Variants in FRY observed in about 807,000 individuals in gnomAD.
FRY encodes FRY microtubule binding protein, also known as protein furry homolog.
Under a neutral mutation model 348.4 loss-of-function variants are expected in FRY, and 128 were observed. The ratio of observed to expected loss-of-function variants is 0.37; its 90% confidence interval spans 0.32 to 0.43. The LOEUF (loss-of-function observed/expected upper bound fraction) is 0.43, where lower values mean the gene tolerates loss of function less well. FRY is among the 20% of genes least tolerant of loss of function. FRY has a pLI of 1.00. For synonymous variants in FRY, 1,370 were observed against 1,374.7 expected, an observed-to-expected ratio of 1.00 and a Z score of 0.08; for missense variants, 2,736 against 3,695.2, an observed-to-expected ratio of 0.74 and a Z score of 6.73.
chr13:32,123,770 G>A (rs1158293458), intron 4 of FRY, among the ~76,000 whole-genome samples: 2 of 152,160 alleles, frequency 1.3e-5, no homozygotes, highest in African/African-American at 2.4e-5. Context: ...CAAATATTCC[G>A]ACTTCAAATC....
intron 31 of FRY, among the ~76,000 whole-genome samples, chr13:32,206,282 G>A (rs1403389806): frequency 6.6e-6 from 1 of 152,118 alleles, no homozygotes; most frequent in South Asian, 2.1e-4. Context: ...AGGAATGGAG[G>A]GAGAACACTC....
intron 42 of FRY, among the ~76,000 whole-genome samples, chr13:32,235,405 C>G (rs1000581969): frequency 2.6e-5 from 4 of 152,222 alleles, no homozygotes. Flanking sequence ...GGGCAGATCA[C>G]TTGAGGCCAG....
Position 32,225,994 on chromosome 13 carries a change from A to G in FRY, c.5206+20A>G, listed in dbSNP as rs1233930764. On this transcript the variant is annotated intron_variant, in intron 39 of 60. Transcript: ENST00000542859. ...ATACAGGTAACAGAGAAGGACTGGT[A>G]GAGAGCCTAGGACAGTTACAAATGC... is the stretch of plus-strand genomic sequence containing the variant. 1.2e-6 allele frequency: 2 copies of G among 1,609,282 alleles called. No individual in the cohort carries two copies. The highest frequency in any genetic ancestry group is 3.3e-5 in the Admixed American group (2 of 59,982).
intron 4 of FRY, among the ~76,000 whole-genome samples, chr13:32,122,786 C>A (rs1878754654): frequency 6.6e-6 from 1 of 152,146 alleles, no homozygotes. Flanking sequence ...CCCTTGAAAA[C>A]CCTAAGGACT....
chr13:32,284,959 A>G (rs1198711597), intron 58 of FRY, among the ~76,000 whole-genome samples: 1 of 152,210 alleles, frequency 6.6e-6, no homozygotes, highest in Non-Finnish European at 1.5e-5. Flanking sequence ...CTGGGCTTTT[A>G]AAAGCTATGC....
intron 36 of FRY, among the ~76,000 whole-genome samples, chr13:32,223,797 C>G (rs1040917176): frequency 2.0e-5 from 3 of 152,050 alleles, no homozygotes; most frequent in Non-Finnish European, 4.4e-5. Context: ...GGCATGATCT[C>G]GGTCCACTGC....
In FRY at chr13:32,155,276, GA is replaced by G. The variant is rs1216008000; in HGVS notation, c.1480-212del. 2.0e-5 allele frequency among the ~76,000 whole-genome samples: 3 copies of G among 152,200 alleles called. No individual in the cohort carries two copies. The East Asian group carries it at 5.8e-4, about 29-fold the overall frequency. ...CTCAAACATGCCCTCCACAGTCGGT[GA>G]AATCTCCCCTGTTGTTTTCTTATAA... On this transcript the variant is annotated intron_variant, in intron 14 of 60. Transcript: ENST00000542859.
In FRY at chr13:32,209,665, G is replaced by A. The variant is rs749126649; in HGVS notation, c.4356G>A (p.Leu1452=). The change falls in exon 33 of 61, where the codon CTG becomes CTA. Residue 1452 remains leucine, a synonymous_variant. Coordinates refer to ENST00000542859, the MANE Select transcript of FRY (RefSeq NM_023037.3). ...LANNEKWSNN[L]RITLQFLISL... is the part of the protein sequence containing the mutation. Reference sequence around the variant, plus strand: ...ACAATGAGAAATGGAGCAACAACCTGAGGATCACCTTGCAGTTCCTGATTA... The same window carrying A: ...ACAATGAGAAATGGAGCAACAACCTAAGGATCACCTTGCAGTTCCTGATTA... 2.5e-6 allele frequency: 4 copies of A among 1,613,978 alleles called. No homozygotes were observed. The highest frequency in any genetic ancestry group is 1.7e-5 in the Admixed American group (1 of 59,994).
chr13:32,174,641 A>G (rs1882271250), intron 19 of FRY, among the ~76,000 whole-genome samples: 1 of 152,158 alleles, frequency 6.6e-6, no homozygotes, highest in Non-Finnish European at 1.5e-5. Context: ...ATATATACAC[A>G]TGCCTCTAAC....
chr13:32,204,509 A>G (rs1443611910), intron 31 of FRY, among the ~76,000 whole-genome samples: 4 of 152,232 alleles, frequency 2.6e-5, no homozygotes, highest in Admixed American at 2.0e-4. Context: ...CTTTTCATTC[A>G]AGAATCCTCT....
At chr13:32,108,922 G>A (rs1485462949) in intron 3 of FRY, among the ~76,000 whole-genome samples, 1 of 152,160 alleles carries the variant, frequency 6.6e-6, no homozygotes, top group Non-Finnish European at 1.5e-5. Flanking sequence ...GGTAGAAAGG[G>A]ATCAGATTGT....
At chr13:32,293,147 G>T (rs1889460753) in intron 59 of FRY, among the ~76,000 whole-genome samples, 1 of 152,084 alleles carries the variant, frequency 6.6e-6, no homozygotes, top group South Asian at 2.1e-4. Context: ...TATTTCCAAG[G>T]TATACCTGGT....
chr13:32,180,731 G>GT (rs1489047629), intron 23 of FRY, among the ~76,000 whole-genome samples: 1 of 152,064 alleles, frequency 6.6e-6, no homozygotes, highest in African/African-American at 2.4e-5. Context: ...ACCCTATAAA[G>GT]ACAAATAAAA....
chr13:32,054,535 G>A (rs1873517734), intron 1 of FRY, among the ~76,000 whole-genome samples: 1 of 152,148 alleles, frequency 6.6e-6, no homozygotes, highest in South Asian at 2.1e-4. Flanking sequence ...ATTTGGGGCA[G>A]AGAAATGTGT....
At chr13:32,204,987 G>A (rs1884269002) in intron 31 of FRY, among the ~76,000 whole-genome samples, 1 of 152,144 alleles carries the variant, frequency 6.6e-6, no homozygotes, top group African/African-American at 2.4e-5. Flanking sequence ...TGGACCACTT[G>A]AGGCCAGGAG....
At chr13:32,173,198 G>A (rs1831556977) in intron 18 of FRY, among the ~76,000 whole-genome samples, 169 bp from the exon 19 acceptor site, 1 of 152,084 alleles carries the variant, frequency 6.6e-6, no homozygotes, top group Admixed American at 6.6e-5. Context: ...AGGGGATCTA[G>A]GATATTTCAT....
intron 2 of FRY, among the ~76,000 whole-genome samples, chr13:32,080,028 C>T (rs1437847391): frequency 6.6e-6 from 1 of 152,162 alleles, no homozygotes; most frequent in Non-Finnish European, 1.5e-5. Context: ...ACAAGAATTA[C>T]AACATAAGGT....
At chr13:32,123,066 C>T (rs1226902830) in intron 4 of FRY, among the ~76,000 whole-genome samples, 1 of 152,152 alleles carries the variant, frequency 6.6e-6, no homozygotes, top group Non-Finnish European at 1.5e-5. Context: ...GAAACATATC[C>T]CATGCTCAAG....
intron 1 of FRY, among the ~76,000 whole-genome samples, chr13:32,066,028 A>T (rs971025470): frequency 1.3e-5 from 2 of 152,198 alleles, no homozygotes; most frequent in Non-Finnish European, 1.5e-5. Context: ...CTATTATCAC[A>T]TCTAATAAAA....
Sources: allele counts gnomAD v4.1 joint callset (sites outside exome capture counted in the v4.1 genomes callset), GRCh38; gene constraint gnomAD v4.1.1; transcripts MANE v1.5; gene names NCBI Gene and HGNC (gene_info 2026-07-23, HGNC 2026-07-21).